The following VPS37A variants were observed in gnomAD, a reference collection of about 807,000 sequenced individuals.
VPS37A encodes VPS37A subunit of ESCRT-I, also known as vacuolar protein sorting-associated protein 37A.
Under a neutral mutation model 49.8 loss-of-function variants are expected in VPS37A, and 30 were observed. The observed-to-expected ratio is 0.60, with a 90% CI of 0.45 to 0.82. The LOEUF (loss-of-function observed/expected upper bound fraction) is 0.82. Ranked by LOEUF, VPS37A falls within the 40% of genes least tolerant of loss-of-function variation. The pLI is 0.00. For missense variants in VPS37A, 593 were observed against 464.4 expected, an observed-to-expected ratio of 1.28 and a Z score of -2.55; for synonymous variants, 195 against 160.6, an observed-to-expected ratio of 1.21 and a Z score of -1.62.
chr8:17,330,003 G>C, the VPS37A span, among the ~76,000 whole-genome samples: 2 of 152,314 alleles, frequency 1.3e-5, no homozygotes, highest in African/African-American at 2.4e-5. Flanking sequence ...AAGACCCATA[G>C]AAAGTATTGG....
intron 2 of VPS37A, 61 bp from the exon 3 acceptor site, chr8:17,268,197 G>C (rs772817503): frequency 1.0e-5 from 12 of 1,157,266 alleles, no homozygotes; most frequent in Admixed American, 2.0e-5. Context: ...TTAAGATTTT[G>C]ACCATATAAT....
At chr8:17,309,142 C>G in the VPS37A span, 1 of 638,242 alleles carries the variant, frequency 1.6e-6, no homozygotes, top group Non-Finnish European at 2.8e-6. Flanking sequence ...ATGACATATA[C>G]AACAAAATTT....
At chr8:17,276,038 T>C (rs983864769) in intron 5 of VPS37A, among the ~76,000 whole-genome samples, 2 of 152,286 alleles carry the variant, frequency 1.3e-5, no homozygotes, top group South Asian at 4.1e-4. Flanking sequence ...CTATTCAGAC[T>C]GTTGATAAAT....
chr8:17,301,818 T>C (rs1817134219), downstream of VPS37A: 2 of 350,746 alleles, frequency 5.7e-6, no homozygotes, highest in Non-Finnish European at 1.0e-5. Context: ...TACAAGTACA[T>C]ATATTTGATT....
At chr8:17,305,943 T>C, downstream of VPS37A, 1 of 1,613,002 alleles carries the variant, frequency 6.2e-7, no homozygotes, top group Non-Finnish European at 8.5e-7. Context: ...TGGGTCACCA[T>C]CTAGATTGCC....
chr8:17,318,789 G>A, the VPS37A span, among the ~76,000 whole-genome samples: 1 of 152,088 alleles, frequency 6.6e-6, no homozygotes, highest in Admixed American at 6.6e-5. Flanking sequence ...CCAGTTCTGT[G>A]CCCCCCAGGG....
chr8:17,249,145 CT>C (rs1448211917), intron 1 of VPS37A, among the ~76,000 whole-genome samples: 1 of 152,008 alleles, frequency 6.6e-6, no homozygotes, highest in African/African-American at 2.4e-5. Context: ...TAATTTTTTT[CT>C]TCGAGGTTGG....
intron 1 of VPS37A, among the ~76,000 whole-genome samples, chr8:17,252,304 A>G (rs1423794570): frequency 6.6e-6 from 1 of 152,128 alleles, no homozygotes; most frequent in Non-Finnish European, 1.5e-5. Flanking sequence ...GGCACATGCC[A>G]TCATGCCTGG....
chr8:17,294,302 C>G (rs866151118), intron 11 of VPS37A, among the ~76,000 whole-genome samples: 27 of 152,138 alleles, frequency 1.8e-4, no homozygotes, highest in Middle Eastern at 3.2e-3. Flanking sequence ...CGCCCCTCCC[C>G]CCACCAAGCT....
intron 4 of VPS37A, 46 bp downstream of exon 4, chr8:17,269,002 G>T: frequency 7.6e-7 from 1 of 1,311,668 alleles, no homozygotes; most frequent in Non-Finnish European, 1.1e-6. Context: ...GTATTTTAAT[G>T]TATTAATCAA....
downstream of VPS37A, chr8:17,302,210 T>G (rs1369315944): frequency 1.1e-5 from 17 of 1,613,962 alleles, no homozygotes; most frequent in Non-Finnish European, 1.4e-5. Flanking sequence ...TTCACTGCCA[T>G]TAGGTAATCT....
intron 6 of VPS37A, 139 bp from the exon 7 acceptor site, chr8:17,279,889 A>G: frequency 1.0e-6 from 1 of 998,552 alleles, no homozygotes; most frequent in Non-Finnish European, 1.5e-6. Flanking sequence ...TTTAAGGTTA[A>G]AACTGGCAGC....
At chr8:17,288,440 A>C (rs1185577945) in intron 11 of VPS37A, among the ~76,000 whole-genome samples, 1 of 152,076 alleles carries the variant, frequency 6.6e-6, no homozygotes, top group Non-Finnish European at 1.5e-5. Flanking sequence ...CTCATTGTTC[A>C]ATTCCCACTT....
Position 17,278,808 on chromosome 8 carries a change from T to C in VPS37A, c.714-1220T>C, listed in dbSNP as rs577661589. ...CTCTGGGTGTTGATATAACTTAGAA[T>C]ATACAGGTTTATTTATTTTCAAAGC... On this transcript the variant is annotated intron_variant, in intron 6 of 11. Coordinates refer to ENST00000324849, the MANE Select transcript of VPS37A (RefSeq NM_152415.3). Among the ~76,000 whole-genome samples, 19 of 152,258 alleles carry C rather than the reference T, an allele frequency of 1.2e-4. No homozygotes were observed. In the South Asian group the frequency reaches 3.9e-3, roughly 32 times the overall value.
At chr8:17,323,284 C>G in the VPS37A span, among the ~76,000 whole-genome samples, 14 of 152,038 alleles carry the variant, frequency 9.2e-5, no homozygotes, top group African/African-American at 3.4e-4. Flanking sequence ...GTAATGGGCT[C>G]AGATGCTAGC....
intron 1 of VPS37A, among the ~76,000 whole-genome samples, chr8:17,262,795 A>C (rs1813078237): frequency 6.6e-6 from 1 of 152,046 alleles, no homozygotes; most frequent in Non-Finnish European, 1.5e-5. Flanking sequence ...GGACACGGTG[A>C]CTCACGCCTG....
chr8:17,261,214 G>C (rs182090545), intron 1 of VPS37A, among the ~76,000 whole-genome samples: 1 of 152,144 alleles, frequency 6.6e-6, no homozygotes, highest in African/African-American at 2.4e-5. Context: ...CCTGTCTTCA[G>C]GTTTACTGAT....
intron 11 of VPS37A, among the ~76,000 whole-genome samples, chr8:17,288,120 T>G (rs1815786159): frequency 1.3e-5 from 2 of 152,236 alleles, no homozygotes; most frequent in Admixed American, 6.5e-5. Context: ...ATCTGCCAGC[T>G]TAAGAAGAAG....
At chr8:17,310,489 A>G in the VPS37A span, among the ~76,000 whole-genome samples, 13 of 152,088 alleles carry the variant, frequency 8.5e-5, no homozygotes, top group Non-Finnish European at 1.5e-4. Flanking sequence ...GATGATGGAA[A>G]CGCATGTGTG....
Sources: allele counts gnomAD v4.1 joint callset (sites outside exome capture counted in the v4.1 genomes callset), GRCh38; gene constraint gnomAD v4.1.1; transcripts MANE v1.5; gene names NCBI Gene and HGNC (gene_info 2026-07-23, HGNC 2026-07-21).